The following ATG7 variants were observed in gnomAD, a reference collection of about 807,000 sequenced individuals.
The protein encoded by ATG7 is autophagy related 7.
ATG7 carries 70 observed loss-of-function variants against 82.4 expected under a neutral mutation model. The observed-to-expected ratio is 0.85, with a 90% CI of 0.70 to 1.04. ATG7 has a LOEUF of 1.04. Ranked by LOEUF, ATG7 falls within the 50% of genes least tolerant of loss-of-function variation. The pLI is 0.00. For synonymous variants in ATG7, 287 were observed against 313.0 expected (o/e 0.92, Z 0.88); for missense variants, 792 against 864.3 (o/e 0.92, Z 1.05).
At chr3:11,515,731 CAT>C (rs774776697) in intron 20 of ATG7, among the ~76,000 whole-genome samples, 9 of 152,146 alleles carry the variant, frequency 5.9e-5, no homozygotes, top group East Asian at 3.8e-4. Flanking sequence ...AGTTTTATCA[CAT>C]GTGAATTTTT....
At position 11,429,809 on chromosome 3, in the gene ATG7, G is replaced by A. The variant is rs557371768; in HGVS notation, c.2079+2883G>A. The stretch of plus-strand genomic sequence containing the variant: ...CTAAAAATACAAAATCTAGCCCGGT[G>A]TGGCAATGTGCGCCTGTAGTCCCAG... On this transcript the variant is annotated intron_variant, in intron 20 of 20. Transcript: ENST00000693202. 1.6e-4 allele frequency among the ~76,000 whole-genome samples: 24 copies of A among 152,142 alleles called. No homozygotes were observed. In the East Asian group the frequency reaches 1.9e-3, roughly 12 times the overall value.
chr3:11,364,118 A>G (rs915582092), intron 17 of ATG7, among the ~76,000 whole-genome samples: 10 of 152,236 alleles, frequency 6.6e-5, no homozygotes, highest in South Asian at 4.1e-4. Context: ...TGCCACAAGT[A>G]TCACTCCATT....
At chr3:11,467,431 C>A (rs2086942969) in intron 20 of ATG7, among the ~76,000 whole-genome samples, 1 of 152,202 alleles carries the variant, frequency 6.6e-6, no homozygotes, top group Non-Finnish European at 1.5e-5. Flanking sequence ...GGCTGCAGTG[C>A]AATGGTGCGA....
chr3:11,428,690 A>G (rs1346117694), intron 20 of ATG7, among the ~76,000 whole-genome samples: 2 of 152,226 alleles, frequency 1.3e-5, no homozygotes, highest in African/African-American at 4.8e-5. Context: ...CTTTTAAGCA[A>G]TGCTGTACTG....
intron 20 of ATG7, among the ~76,000 whole-genome samples, chr3:11,494,941 G>A (rs944503653): frequency 1.3e-5 from 2 of 152,116 alleles, no homozygotes; most frequent in African/African-American, 4.8e-5. Flanking sequence ...GCATGGTGGT[G>A]CACACCTGTA....
intron 19 of ATG7, among the ~76,000 whole-genome samples, chr3:11,415,962 T>C (rs968016215): frequency 2.0e-5 from 3 of 152,196 alleles, no homozygotes; most frequent in Non-Finnish European, 4.4e-5. Context: ...GAAGTAATGT[T>C]GTTGCACTAT....
intron 17 of ATG7, 69 bp downstream of exon 17, chr3:11,362,997 C>A (rs1352673936): frequency 3.7e-6 from 5 of 1,339,964 alleles, no homozygotes; most frequent in African/African-American, 2.9e-5. Flanking sequence ...CAGTGTCTCC[C>A]ATGGCCTTTT....
intron 20 of ATG7, among the ~76,000 whole-genome samples, chr3:11,483,174 C>T (rs904474): frequency 6.6e-6 from 1 of 151,868 alleles, no homozygotes; most frequent in African/African-American, 2.4e-5. Flanking sequence ...TTTTAATAAG[C>T]ATTCTCCCCG....
At chr3:11,506,669 G>A (rs2091749556) in intron 20 of ATG7, among the ~76,000 whole-genome samples, 1 of 151,742 alleles carries the variant, frequency 6.6e-6, no homozygotes, top group Admixed American at 6.6e-5. Flanking sequence ...TTGAACCCAG[G>A]AGGCAGAGGT....
At chr3:11,434,645 C>A (rs889530599) in intron 20 of ATG7, among the ~76,000 whole-genome samples, 4 of 152,192 alleles carry the variant, frequency 2.6e-5, no homozygotes, top group African/African-American at 9.7e-5. Context: ...CTTTTATTTG[C>A]TGTCAGAGTT....
At chr3:11,561,230 C>T (rs2072968632), downstream of ATG7, among the ~76,000 whole-genome samples, 2 of 152,148 alleles carry the variant, frequency 1.3e-5, no homozygotes, top group African/African-American at 2.4e-5. Flanking sequence ...ACTGGGGAGA[C>T]ATTTCGAGCA....
intron 9 of ATG7, among the ~76,000 whole-genome samples, chr3:11,328,236 A>C (rs1951148064): frequency 1.3e-5 from 2 of 152,184 alleles, no homozygotes; most frequent in African/African-American, 4.8e-5. Context: ...TCCTCACTAC[A>C]GCTCTATGAA....
intron 1 of ATG7, among the ~76,000 whole-genome samples, chr3:11,279,545 A>T (rs2152633543): frequency 6.6e-6 from 1 of 152,182 alleles, no homozygotes; most frequent in South Asian, 2.1e-4. Flanking sequence ...TTAGCCAGGC[A>T]TGGTGGCGGG....
chr3:11,333,171 G>C, intron 11 of ATG7, 78 bp downstream of exon 11: 1 of 1,429,842 alleles, frequency 7.0e-7, no homozygotes, highest in East Asian at 2.6e-5. Context: ...TTTTCATATC[G>C]TCACAATGGC....
intron 8 of ATG7, among the ~76,000 whole-genome samples, chr3:11,313,894 C>G (rs563977490): frequency 6.6e-6 from 1 of 152,334 alleles, no homozygotes; most frequent in African/African-American, 2.4e-5. Context: ...GCCACCCTGC[C>G]TGGTCTGTAA....
chr3:11,535,475 C>T (rs1421527806), intron 20 of ATG7, among the ~76,000 whole-genome samples: 4 of 152,130 alleles, frequency 2.6e-5, no homozygotes, highest in South Asian at 2.1e-4. Context: ...AGGGGCCAGG[C>T]AGGTCTCAGA....
chr3:11,344,514 C>T lies in ATG7; in HGVS notation c.1125+2235C>T, dbSNP rs142999459. Among the ~76,000 whole-genome samples the T allele has an allele frequency of 1.0e-2, 1,518 of 152,174 alleles. 13 individuals are homozygous for T. Among genetic ancestry groups the T allele is most frequent in the Non-Finnish European group, 0.015 (1,040 of 68,002 alleles). On this transcript the variant is annotated intron_variant, in intron 13 of 20. Coordinates refer to ENST00000693202, the MANE Select transcript of ATG7 (RefSeq NM_001349232.2). ...ATTCCTAGAATAAACCCTATTTGTA[C>T]GTGGTATCTTATTCTTCTCATATAC...
intron 20 of ATG7, among the ~76,000 whole-genome samples, chr3:11,547,380 C>T (rs996756204): frequency 1.2e-4 from 18 of 152,304 alleles, no homozygotes; most frequent in African/African-American, 4.3e-4. Flanking sequence ...GACCACGTTT[C>T]ATTTATTCAT....
At chr3:11,323,338 C>T (rs534113898) in intron 9 of ATG7, among the ~76,000 whole-genome samples, 1 of 152,332 alleles carries the variant, frequency 6.6e-6, no homozygotes, top group East Asian at 1.9e-4. Context: ...CAGCACAACA[C>T]TGCTTATCAT....
Sources: allele counts gnomAD v4.1 joint callset (sites outside exome capture counted in the v4.1 genomes callset), GRCh38; gene constraint gnomAD v4.1.1; transcripts MANE v1.5; gene names NCBI Gene and HGNC (gene_info 2026-07-23, HGNC 2026-07-21).